CYP4Z1: variants seen among roughly 807,000 people sequenced by gnomAD.
The protein encoded by CYP4Z1 is cytochrome P450 4Z1.
In CYP4Z1, 41 loss-of-function variants were observed where a neutral mutation model predicts 54.2. The ratio of observed to expected loss-of-function variants is 0.76; its 90% CI spans 0.59 to 0.98. The LOEUF is 0.98. Ranked by LOEUF, CYP4Z1 falls within the 50% of genes least tolerant of loss-of-function variation. The pLI is 0.00. For missense variants in CYP4Z1, 513 were observed against 599.0 expected (o/e 0.86, Z 1.50); for synonymous variants, 163 against 206.2 (o/e 0.79, Z 1.79).
At position 47,084,979 on chromosome 1, in the gene CYP4Z1, G is replaced by A; in HGVS notation, c.772+1G>A. 1 of 1,305,302 alleles carries A rather than the reference G, an allele frequency of 7.7e-7. No individual in the cohort carries two copies. The highest frequency in any genetic ancestry group is 1.1e-6 in the Non-Finnish European group (1 of 946,340). The allele number at this position is 1,305,302 out of a possible 1,614,324, so 80.9% of individuals were successfully genotyped here. On this transcript the variant is annotated splice_donor_variant, in intron 6 of 11. Transcript: ENST00000334194. LOFTEE classifies it high-confidence loss of function. The stretch of plus-strand genomic sequence containing the variant: ...AACCAAGAACTTCATCAGTTCACAG[G>A]TTAGTCCTGGGATTTACATGGCCAG...
rs1273525104 is a variant in CYP4Z1, at chr1:47,118,063, C to G, written c.*129C>G. ...ATTATATAACTTAGGATACTTCTGA[C>G]TGGTTTTGACATCCATTAACAGTAA... On this transcript the variant is annotated 3_prime_UTR_variant, in exon 12 of 12. Transcript: ENST00000334194. 1.6e-5 allele frequency: 15 copies of G among 944,834 alleles called. No homozygotes were observed. The South Asian group carries it at 3.7e-4, about 23-fold the overall frequency. The allele number at this position is 944,834 out of a possible 1,614,324, so 58.5% of individuals were successfully genotyped here. A position where few individuals can be genotyped will look rare whatever the true frequency, so the allele number is the denominator to read the frequency against.
chr1:47,103,377 A>G (rs6690141), intron 8 of CYP4Z1, among the ~76,000 whole-genome samples: 7,587 of 151,150 alleles, frequency 0.05, 617 homozygotes, highest in African/African-American at 0.17. Context: ...AGGATCTCAC[A>G]ATGTTGTCCA....
chr1:47,114,747 T>A (rs913410063), intron 9 of CYP4Z1, among the ~76,000 whole-genome samples: 12 of 152,158 alleles, frequency 7.9e-5, no homozygotes, highest in African/African-American at 2.9e-4. Flanking sequence ...CACAATGAGA[T>A]ACCATCTCAC....
rs60000772 is a variant in CYP4Z1 at position 47,067,687 on chromosome 1, T to C, written c.177+20T>C. The C allele has an allele frequency of 1.5e-3, 2,294 of 1,581,926 alleles. 22 individuals are homozygous for C. In the African/African-American group the frequency reaches 0.022, roughly 15 times the overall value. ...AAGGAGGTAAGAGGAGAAAATTAGT[T>C]GGGGAGGTTAAGGGACAGAAAGATG... On this transcript the variant is annotated intron_variant, in intron 1 of 11. Coordinates refer to ENST00000334194, the MANE Select transcript of CYP4Z1 (RefSeq NM_178134.3).
At chr1:47,086,401 T>C (rs1644595061) in intron 6 of CYP4Z1, among the ~76,000 whole-genome samples, 1 of 152,218 alleles carries the variant, frequency 6.6e-6, no homozygotes, top group African/African-American at 2.4e-5. Context: ...TGGTGTGAGA[T>C]GGTATCTCAT....
chr1:47,061,870 T>G, the CYP4Z1 span, among the ~76,000 whole-genome samples: 15 of 152,200 alleles, frequency 9.9e-5, no homozygotes, highest in South Asian at 4.1e-4. Context: ...GTGCAAGGTT[T>G]GTTCAACATA....
At chr1:47,065,328 T>C (rs890292071), upstream of CYP4Z1, among the ~76,000 whole-genome samples, 1 of 152,028 alleles carries the variant, frequency 6.6e-6, no homozygotes, top group Non-Finnish European at 1.5e-5. Context: ...TTATATCAAG[T>C]ACTCTCTCAA....
At chr1:47,092,517 C>G (rs1557627847) in intron 6 of CYP4Z1, among the ~76,000 whole-genome samples, 1 of 151,112 alleles carries the variant, frequency 6.6e-6, no homozygotes, top group Non-Finnish European at 1.5e-5. Context: ...GAGGGTTGGT[C>G]CTGGTTTTCC....
intron 4 of CYP4Z1, among the ~76,000 whole-genome samples, chr1:47,083,076 C>T (rs373616770): frequency 1.6e-4 from 25 of 152,132 alleles, no homozygotes; most frequent in East Asian, 5.8e-4. Flanking sequence ...ACCTAAGGTC[C>T]GTTTCAGGGG....
intron 2 of CYP4Z1, among the ~76,000 whole-genome samples, chr1:47,077,178 G>A (rs1273474444): frequency 6.6e-6 from 1 of 152,024 alleles, no homozygotes; most frequent in African/African-American, 2.4e-5. Flanking sequence ...AAGGGATGTA[G>A]TGAATTCTCC....
At chr1:47,066,579 G>A (rs1198415128), upstream of CYP4Z1, among the ~76,000 whole-genome samples, 1 of 152,132 alleles carries the variant, frequency 6.6e-6, no homozygotes, top group African/African-American at 2.4e-5. Context: ...AAAGTAGAAA[G>A]CATTCTCCTT....
intron 9 of CYP4Z1, among the ~76,000 whole-genome samples, chr1:47,115,099 T>G (rs1489879920): frequency 1.3e-5 from 2 of 152,220 alleles, no homozygotes; most frequent in East Asian, 1.9e-4. Context: ...ATATACACTA[T>G]GGAATACTAT....
At chr1:47,069,934 C>T (rs978226623) in intron 2 of CYP4Z1, among the ~76,000 whole-genome samples, 1 of 125,392 alleles carries the variant, frequency 8.0e-6, no homozygotes, top group Non-Finnish European at 1.6e-5. Flanking sequence ...AAATTGTCTC[C>T]TCCTCAGAGA....
intron 7 of CYP4Z1, among the ~76,000 whole-genome samples, chr1:47,098,255 G>T (rs1293625891): frequency 6.6e-6 from 1 of 152,206 alleles, no homozygotes; most frequent in Non-Finnish European, 1.5e-5. Flanking sequence ...CATGAGCATG[G>T]AATGCTTTCC....
At chr1:47,082,745 G>T (rs1384968128) in intron 4 of CYP4Z1, among the ~76,000 whole-genome samples, 1 of 151,660 alleles carries the variant, frequency 6.6e-6, no homozygotes, top group East Asian at 1.9e-4. Context: ...CAAGGCAGAA[G>T]AGCAAAGACA....
intron 6 of CYP4Z1, among the ~76,000 whole-genome samples, chr1:47,085,212 A>G (rs1034246952): frequency 2.0e-5 from 3 of 152,240 alleles, no homozygotes; most frequent in African/African-American, 7.2e-5. Context: ...TACAATAAGC[A>G]AAACATCTGT....
Position 47,084,285 on chromosome 1 carries a change from C to A in CYP4Z1, c.493-335C>A, listed in dbSNP as rs535954760. ...AACCTCTGTTTATTTATGCTCTCTACAGATGTTTTTGAATTCTTATTTATT... is the reference window on the plus strand; with the variant it reads ...AACCTCTGTTTATTTATGCTCTCTAAAGATGTTTTTGAATTCTTATTTATT... On this transcript the variant is annotated intron_variant, in intron 4 of 11. Coordinates refer to ENST00000334194, the MANE Select transcript of CYP4Z1 (RefSeq NM_178134.3). Among the ~76,000 whole-genome samples, 394 of 151,930 alleles carry A rather than the reference C, an allele frequency of 2.6e-3. 2 individuals are homozygous for A. The highest frequency in any genetic ancestry group is 9.1e-3 in the African/African-American group (377 of 41,430).
intron 2 of CYP4Z1, among the ~76,000 whole-genome samples, chr1:47,069,503 G>A (rs948469226): frequency 6.6e-6 from 1 of 151,766 alleles, no homozygotes; most frequent in African/African-American, 2.4e-5. Context: ...TTTCTTCCTG[G>A]TAATGGTGCA....
In CYP4Z1 at chr1:47,067,684, A is replaced by T; in HGVS notation, c.177+17A>T. The T allele has an allele frequency of 6.3e-7, 1 of 1,585,490 alleles. No individual in the cohort carries two copies. Among genetic ancestry groups the T allele is most frequent in the Non-Finnish European group, 8.6e-7 (1 of 1,162,020 alleles). On this transcript the variant is annotated intron_variant, in intron 1 of 11. Coordinates refer to ENST00000334194, the MANE Select transcript of CYP4Z1 (RefSeq NM_178134.3). The stretch of plus-strand genomic sequence containing the variant: ...CACAAGGAGGTAAGAGGAGAAAATT[A>T]GTTGGGGAGGTTAAGGGACAGAAAG...
Sources: gnomAD v4.1 joint callset for allele counts (sites outside exome capture counted in the v4.1 genomes callset) on GRCh38, gnomAD v4.1.1 for gene constraint, MANE v1.5 for transcripts, NCBI Gene and HGNC (gene_info 2026-07-23, HGNC 2026-07-21) for gene names.